STK32B: variants seen among roughly 807,000 people sequenced by gnomAD.
The protein encoded by STK32B is serine/threonine-protein kinase 32B.
Under a neutral mutation model 52.6 loss-of-function variants are expected in STK32B, and 43 were observed. The ratio of observed to expected loss-of-function variants is 0.82; its 90% CI spans 0.64 to 1.05. The LOEUF is 1.05. Ranked by LOEUF, STK32B falls within the 50% of genes least tolerant of loss-of-function variation. The probability of loss-of-function intolerance (pLI) is 0.00; values close to 1 mark genes in which losing one functional copy is unlikely to be tolerated. For synonymous variants in STK32B, 238 were observed against 204.3 expected (o/e 1.17, Z -1.41); for missense variants, 621 against 534.6 (o/e 1.16, Z -1.59).
At chr4:5,026,655 A>G in the STK32B span, among the ~76,000 whole-genome samples, 1 of 152,218 alleles carries the variant, frequency 6.6e-6, no homozygotes, top group East Asian at 1.9e-4. Context: ...GCCAAACCAT[A>G]TCACCAGTGA....
intron 3 of STK32B, among the ~76,000 whole-genome samples, chr4:5,237,658 A>G (rs559027735): frequency 2.0e-5 from 3 of 152,346 alleles, no homozygotes; most frequent in East Asian, 1.9e-4. Flanking sequence ...ATGAGAATGG[A>G]TCATTGCAAG....
At chr4:5,030,474 C>T in the STK32B span, among the ~76,000 whole-genome samples, 1 of 152,302 alleles carries the variant, frequency 6.6e-6, no homozygotes, top group South Asian at 2.1e-4. Flanking sequence ...CATATCCTGG[C>T]ATGATAGTCT....
intron 4 of STK32B, among the ~76,000 whole-genome samples, chr4:5,351,206 G>T (rs1231663801): frequency 6.6e-6 from 1 of 152,116 alleles, no homozygotes; most frequent in East Asian, 1.9e-4. Flanking sequence ...CATTCTCCAG[G>T]CTAGACCATA....
intron 3 of STK32B, among the ~76,000 whole-genome samples, chr4:5,239,337 A>G (rs1360903735): frequency 1.3e-5 from 2 of 152,142 alleles, no homozygotes; most frequent in Admixed American, 1.3e-4. Flanking sequence ...AGGGATCTCT[A>G]GGGGAAGCCA....
At chr4:5,468,546 A>G (rs1717613249) in intron 11 of STK32B, among the ~76,000 whole-genome samples, 1 of 152,190 alleles carries the variant, frequency 6.6e-6, no homozygotes, top group Non-Finnish European at 1.5e-5. Context: ...AGCACCTGGT[A>G]TGGAAGGGGT....
intron 3 of STK32B, among the ~76,000 whole-genome samples, chr4:5,208,000 C>T (rs911950472): frequency 7.2e-5 from 11 of 152,142 alleles, no homozygotes; most frequent in African/African-American, 2.7e-4. Context: ...ATCTATCAGT[C>T]AGGATGGGCT....
intron 3 of STK32B, among the ~76,000 whole-genome samples, chr4:5,275,598 CT>C (rs1324940682): frequency 6.6e-6 from 1 of 152,070 alleles, no homozygotes; most frequent in East Asian, 1.9e-4. Context: ...CAGATCTTGG[CT>C]TTGATGTTGT....
chr4:5,360,731 G>C (rs1242285077), intron 4 of STK32B, among the ~76,000 whole-genome samples: 1 of 152,126 alleles, frequency 6.6e-6, no homozygotes, highest in Non-Finnish European at 1.5e-5. Flanking sequence ...GCTTGAACCA[G>C]GGAGGTGGAG....
At chr4:5,047,073 A>G (rs1350690342), upstream of STK32B, among the ~76,000 whole-genome samples, 4 of 152,164 alleles carry the variant, frequency 2.6e-5, no homozygotes, top group African/African-American at 9.7e-5. Context: ...CAATAGCAAA[A>G]TTGTGGAACC....
chr4:5,214,589 T>A (rs1271890955), intron 3 of STK32B, among the ~76,000 whole-genome samples: 6 of 152,164 alleles, frequency 3.9e-5, no homozygotes, highest in African/African-American at 1.4e-4. Flanking sequence ...GCTCTATTTG[T>A]CCAACCCTGC....
chr4:5,377,480 CTTATT>C (rs1735657181), intron 4 of STK32B, among the ~76,000 whole-genome samples: 1 of 152,180 alleles, frequency 6.6e-6, no homozygotes, highest in Non-Finnish European at 1.5e-5. Flanking sequence ...ACTTAATGCA[CTTATT>C]TTAAAGGAGG....
Position 5,469,305 on chromosome 4 carries a change from G to A in STK32B, c.1106+1235G>A, listed in dbSNP as rs992928712. Among the ~76,000 whole-genome samples, 3 of 152,198 alleles carry A rather than the reference G, an allele frequency of 2.0e-5. No individual in the cohort carries two copies. Among genetic ancestry groups the A allele is most frequent in the East Asian group, 1.9e-4 (1 of 5,194 alleles). Reference sequence around the variant, plus strand: ...TTGGCTTTCAGCAGATGCTAACAGCGCAGGAAACACGTGCTAAGGCCAAGG... The same window carrying A: ...TTGGCTTTCAGCAGATGCTAACAGCACAGGAAACACGTGCTAAGGCCAAGG... On this transcript the variant is annotated intron_variant, in intron 11 of 11. Transcript: ENST00000282908. This position sits in a 1 kb window ranked among gnomAD's most constrained non-coding sequence, Gnocchi z 4.7.
chr4:5,338,463 A>T (rs919672713), intron 4 of STK32B, among the ~76,000 whole-genome samples: 1 of 152,204 alleles, frequency 6.6e-6, no homozygotes, highest in African/African-American at 2.4e-5. Context: ...GAAGGTGCTG[A>T]AAGAGTTCTT....
chr4:5,161,061 A>G (rs1718402307), intron 2 of STK32B, among the ~76,000 whole-genome samples: 1 of 152,030 alleles, frequency 6.6e-6, no homozygotes, highest in African/African-American at 2.4e-5. Flanking sequence ...TTTGGCCTTT[A>G]CTCCTACATA....
chr4:5,160,702 G>T (rs1206407324), intron 2 of STK32B, among the ~76,000 whole-genome samples: 1 of 152,220 alleles, frequency 6.6e-6, no homozygotes, highest in Non-Finnish European at 1.5e-5. Flanking sequence ...AGACACTGAG[G>T]ATGATGCAGT....
At chr4:5,450,301 A>G (rs902526927) in intron 7 of STK32B, among the ~76,000 whole-genome samples, 4 of 152,210 alleles carry the variant, frequency 2.6e-5, no homozygotes, top group African/African-American at 4.8e-5. Context: ...AGAGAACACT[A>G]TGGAAAGAGA....
chr4:5,409,320 C>T (rs1312666161), intron 5 of STK32B, among the ~76,000 whole-genome samples: 2 of 152,054 alleles, frequency 1.3e-5, no homozygotes, highest in East Asian at 1.9e-4. Flanking sequence ...CAGCATGGTG[C>T]CTCCTGGAGT....
At chr4:5,176,374 A>G (rs940046125) in intron 3 of STK32B, among the ~76,000 whole-genome samples, 1 of 148,494 alleles carries the variant, frequency 6.7e-6, no homozygotes, top group Non-Finnish European at 1.5e-5. Context: ...TGCAGAAATC[A>G]CCGGTCTTCT....
intron 3 of STK32B, among the ~76,000 whole-genome samples, chr4:5,312,636 A>G (rs983763553): frequency 1.3e-5 from 2 of 151,956 alleles, no homozygotes; most frequent in Non-Finnish European, 2.9e-5. Flanking sequence ...TTATGGCTGC[A>G]TAGTATTCCA....
Sources: gnomAD v4.1 joint callset for allele counts (sites outside exome capture counted in the v4.1 genomes callset) on GRCh38, gnomAD v4.1.1 for gene constraint, Gnocchi (gnomAD v3.1) non-coding constraint, MANE v1.5 for transcripts, NCBI Gene and HGNC (gene_info 2026-07-23, HGNC 2026-07-21) for gene names.